The following AVEN variants were observed in gnomAD, a reference collection of about 807,000 sequenced individuals.
AVEN encodes cell death regulator Aven.
AVEN carries 41 observed loss-of-function variants against 38.1 expected under a neutral mutation model. That is an observed-to-expected ratio of 1.08 (90% CI 0.84 to 1.40). AVEN has a LOEUF of 1.40. Ranked by LOEUF, AVEN falls within the 40% of genes most tolerant of loss-of-function variation. AVEN has a pLI of 0.00. For missense variants in AVEN, 605 were observed against 438.8 expected, an observed-to-expected ratio of 1.38 and a Z score of -3.38; for synonymous variants, 206 against 171.8, an observed-to-expected ratio of 1.20 and a Z score of -1.56.
chr15:33,901,794 G>A (rs517408), intron 2 of AVEN, among the ~76,000 whole-genome samples: 133,914 of 152,172 alleles, frequency 0.88, 60,491 homozygotes, highest in Non-Finnish European at 0.98. Context: ...ATATCTGTTG[G>A]CCATTTTTAT....
rs1334257350 is a variant in AVEN, at chr15:33,895,795, ACT to A, written c.446-19802_446-19801del. Among the ~76,000 whole-genome samples, 5 of 152,222 alleles carry A rather than the reference ACT, an allele frequency of 3.3e-5. No homozygotes were observed. In the South Asian group the frequency reaches 1.0e-3, roughly 32 times the overall value. On this transcript the variant is annotated intron_variant, in intron 2 of 5. Transcript: ENST00000306730. ...AAAAATACAAATCTGATCCTGCCAG[ACT>A]CTTAGTTAAACCTCTCTATAACTGC...
intron 1 of AVEN, among the ~76,000 whole-genome samples, chr15:34,027,043 A>G (rs1439133674): frequency 6.6e-6 from 1 of 152,192 alleles, no homozygotes; most frequent in African/African-American, 2.4e-5. Flanking sequence ...ACCTCTGCAA[A>G]CCCACTCTAC....
At chr15:33,977,673 C>G (rs575053097) in intron 2 of AVEN, among the ~76,000 whole-genome samples, 1 of 152,296 alleles carries the variant, frequency 6.6e-6, no homozygotes, top group African/African-American at 2.4e-5. Flanking sequence ...CTGACTATTT[C>G]TACAAGTGAA....
intron 5 of AVEN, among the ~76,000 whole-genome samples, chr15:34,047,171 G>A (rs935918870): frequency 2.6e-5 from 4 of 151,110 alleles, no homozygotes; most frequent in Non-Finnish European, 5.9e-5. Flanking sequence ...TCCGCCTCCC[G>A]GGTTCACGCC....
intron 2 of AVEN, among the ~76,000 whole-genome samples, chr15:33,967,210 T>C (rs1242451863): frequency 1.3e-5 from 2 of 152,146 alleles, no homozygotes; most frequent in Non-Finnish European, 2.9e-5. Context: ...AATTCACTTC[T>C]TTCTCATACA....
intron 1 of AVEN, among the ~76,000 whole-genome samples, chr15:34,026,303 T>A (rs1898469520): frequency 6.6e-6 from 1 of 152,198 alleles, no homozygotes; most frequent in African/African-American, 2.4e-5. Context: ...TTTATTTTCT[T>A]CTTGGTATTT....
chr15:33,860,677 A>G, intron 11 of AVEN: 1 of 1,530,100 alleles, frequency 6.5e-7, no homozygotes. Flanking sequence ...TACTCTAACT[A>G]CTAATCCCAG....
rs575164652 is a variant in AVEN at position 33,958,447 on chromosome 15, C to T, written c.445+44585G>A. ...ATACAACAACAACAAAAAAATCAGC[C>T]AGGCATGGTAGCACACATCTGTAAT... On this transcript the variant is annotated intron_variant, in intron 2 of 5. Coordinates refer to ENST00000306730, the MANE Select transcript of AVEN (RefSeq NM_020371.3). Among the ~76,000 whole-genome samples, 4 of 152,058 alleles carry T rather than the reference C, an allele frequency of 2.6e-5. No homozygotes were observed. In the East Asian group the frequency reaches 7.7e-4, roughly 29 times the overall value.
At chr15:34,034,117 TA>T (rs200125211) in intron 1 of AVEN, among the ~76,000 whole-genome samples, 2,619 of 152,266 alleles carry the variant, frequency 0.017, 73 homozygotes, top group African/African-American at 0.06. Flanking sequence ...TTTAAATGGC[TA>T]AAGGCAAATA....
At chr15:34,027,522 C>A (rs1898539340) in intron 1 of AVEN, among the ~76,000 whole-genome samples, 1 of 119,890 alleles carries the variant, frequency 8.3e-6, no homozygotes. Flanking sequence ...AAGAGAGACT[C>A]TGTCTCAAAA....
chr15:33,977,271 A>G (rs1412460265), intron 2 of AVEN, among the ~76,000 whole-genome samples: 2 of 152,186 alleles, frequency 1.3e-5, no homozygotes. Context: ...ACAAGCTCCA[A>G]TACTCTTACT....
chr15:33,853,323 G>A, the AVEN span, among the ~76,000 whole-genome samples: 1 of 152,224 alleles, frequency 6.6e-6, no homozygotes, highest in Non-Finnish European at 1.5e-5. Flanking sequence ...CATAGTAGAT[G>A]TTTTCTCCCC....
At chr15:33,883,320 T>G (rs1355991863) in intron 2 of AVEN, among the ~76,000 whole-genome samples, 2 of 151,376 alleles carry the variant, frequency 1.3e-5, no homozygotes, top group Non-Finnish European at 2.9e-5. Context: ...TAAATCTGGC[T>G]ACTAAAATTT....
chr15:34,016,234 C>T (rs1567468770), intron 1 of AVEN, among the ~76,000 whole-genome samples: 1 of 152,164 alleles, frequency 6.6e-6, no homozygotes, highest in Non-Finnish European at 1.5e-5. Context: ...AACTCCATCT[C>T]AAAAAACAAA....
At chr15:34,017,215 C>G (rs1267573170) in intron 1 of AVEN, among the ~76,000 whole-genome samples, 1 of 152,086 alleles carries the variant, frequency 6.6e-6, no homozygotes, top group Non-Finnish European at 1.5e-5. Context: ...ACTCTGTTCA[C>G]CTATTAACAA....
intron 2 of AVEN, among the ~76,000 whole-genome samples, chr15:33,891,337 C>T (rs893838153): frequency 4.6e-5 from 7 of 152,112 alleles, no homozygotes; most frequent in African/African-American, 1.7e-4. Context: ...CACCCATTAA[C>T]TCGTCATTTA....
At chr15:34,016,106 G>A (rs1245827746) in intron 1 of AVEN, among the ~76,000 whole-genome samples, 1 of 152,056 alleles carries the variant, frequency 6.6e-6, no homozygotes, top group Non-Finnish European at 1.5e-5. Context: ...GAGAAACCCC[G>A]TCTCTACTAA....
At chr15:33,951,449 A>T (rs1193444974) in intron 2 of AVEN, among the ~76,000 whole-genome samples, 3 of 152,024 alleles carry the variant, frequency 2.0e-5, no homozygotes, top group African/African-American at 2.4e-5. Flanking sequence ...CATTAGGAGA[A>T]ATACCTAATG....
chr15:34,019,054 T>G (rs1035511084), intron 1 of AVEN, among the ~76,000 whole-genome samples: 1 of 151,936 alleles, frequency 6.6e-6, no homozygotes, highest in Non-Finnish European at 1.5e-5. Flanking sequence ...TTTTACAGAG[T>G]GCTGATTGGT....
Sources: gnomAD v4.1 joint callset for allele counts (sites outside exome capture counted in the v4.1 genomes callset) on GRCh38, gnomAD v4.1.1 for gene constraint, MANE v1.5 for transcripts, NCBI Gene and HGNC (gene_info 2026-07-23, HGNC 2026-07-21) for gene names.